The following SULT1E1 variants were observed in gnomAD, a reference collection of about 807,000 sequenced individuals.
SULT1E1 encodes the protein sulfotransferase 1E1.
Under a neutral mutation model 33.6 loss-of-function variants are expected in SULT1E1, and 36 were observed. The observed-to-expected ratio is 1.07, with a 90% CI of 0.82 to 1.41. SULT1E1 has a LOEUF of 1.41. SULT1E1 is among the 40% of genes most tolerant of loss of function. The pLI is 0.00. For synonymous variants in SULT1E1, 121 were observed against 111.7 expected (o/e 1.08, Z -0.53); for missense variants, 371 against 345.7 (o/e 1.07, Z -0.58).
At chr4:69,844,595 C>T (rs1043268539) in intron 6 of SULT1E1, among the ~76,000 whole-genome samples, 1 of 151,942 alleles carries the variant, frequency 6.6e-6, no homozygotes, top group Non-Finnish European at 1.5e-5. Context: ...TTATTGTAGT[C>T]CTTGATGCAT....
At chr4:69,823,603 G>C in the SULT1E1 span, among the ~76,000 whole-genome samples, 1 of 152,134 alleles carries the variant, frequency 6.6e-6, no homozygotes, top group Non-Finnish European at 1.5e-5. Context: ...CGGTGTCTAA[G>C]AGCTGTAGAA....
chr4:69,849,324 A>C (rs958547756), intron 5 of SULT1E1, 113 bp downstream of exon 5: 2 of 1,309,866 alleles, frequency 1.5e-6, no homozygotes, highest in African/African-American at 3.0e-5. Context: ...TCTGTGTTTT[A>C]ACTATGAATC....
chr4:69,847,064 C>T (rs1269203145), intron 6 of SULT1E1, among the ~76,000 whole-genome samples: 1 of 151,626 alleles, frequency 6.6e-6, no homozygotes, highest in Non-Finnish European at 1.5e-5. Context: ...ATCAAATAGC[C>T]TATTTATCTC....
chr4:69,847,411 T>G (rs1404572629), intron 6 of SULT1E1, among the ~76,000 whole-genome samples: 1 of 151,790 alleles, frequency 6.6e-6, no homozygotes, highest in Admixed American at 6.6e-5. Context: ...TGTGTGTGTG[T>G]GTGTGCCTAT....
At chr4:69,834,683 C>T in the SULT1E1 span, among the ~76,000 whole-genome samples, 15 of 152,098 alleles carry the variant, frequency 9.9e-5, no homozygotes, top group African/African-American at 3.6e-4. Flanking sequence ...AGGTGTCTAT[C>T]ACAGTTGTAG....
In SULT1E1 at chr4:69,841,451, C is replaced by G. The variant is rs1578100765; in HGVS notation, c.*543G>C. On this transcript the variant is annotated 3_prime_UTR_variant, in exon 8 of 8. Coordinates refer to ENST00000226444, the MANE Select transcript of SULT1E1 (RefSeq NM_005420.3). ...GTTACCTGGGCCAGGCATGGAGGCTCAAGCCTGTAATCCCAGTATTTTGGG... is the reference window on the plus strand; with the variant it reads ...GTTACCTGGGCCAGGCATGGAGGCTGAAGCCTGTAATCCCAGTATTTTGGG... 1 of 152,388 alleles carries G rather than the reference C, an allele frequency of 6.6e-6. No homozygotes were observed. The allele number at this position is 152,388 out of a possible 1,614,324, so 9.4% of individuals were successfully genotyped here.
At chr4:69,847,828 T>C (rs1578103438) in intron 5 of SULT1E1, 36 bp from the exon 6 acceptor site, 1 of 1,417,812 alleles carries the variant, frequency 7.1e-7, no homozygotes, top group African/African-American at 1.4e-5. Flanking sequence ...AAAAGTGGTA[T>C]CATCTCTAAA....
intron 6 of SULT1E1, among the ~76,000 whole-genome samples, chr4:69,844,918 A>G (rs994654875): frequency 6.6e-6 from 1 of 152,076 alleles, no homozygotes; most frequent in Non-Finnish European, 1.5e-5. Flanking sequence ...TACTAACCGC[A>G]ATGTGTATTC....
intron 6 of SULT1E1, among the ~76,000 whole-genome samples, chr4:69,845,551 T>C (rs529303551): frequency 1.3e-5 from 2 of 151,378 alleles, no homozygotes; most frequent in Non-Finnish European, 3.0e-5. Flanking sequence ...ATATAATATA[T>C]ACACAAAATC....
chr4:69,842,065 T>TGATAAA lies in SULT1E1; in HGVS notation c.813_814insTTTATC (p.Leu271_Asn272insPheIle), dbSNP rs1488562054. ...TCATAATGTTTATCAAATTTTTCAT[T>TGATAAA]CAGGGCTACTGTAAAGTGATTTTTC... On this transcript the variant is annotated inframe_insertion, in exon 8 of 8. Coordinates refer to ENST00000226444, the MANE Select transcript of SULT1E1 (RefSeq NM_005420.3). 1 of 1,611,792 alleles carries TGATAAA rather than the reference T, an allele frequency of 6.2e-7. No homozygotes were observed. Among genetic ancestry groups the TGATAAA allele is most frequent in the African/African-American group, 1.3e-5 (1 of 74,848 alleles).
chr4:69,824,429 T>C, the SULT1E1 span, among the ~76,000 whole-genome samples: 3 of 152,144 alleles, frequency 2.0e-5, no homozygotes, highest in Non-Finnish European at 4.4e-5. Context: ...GTCCTTTGAT[T>C]TCTTTAAAGG....
chr4:69,821,975 T>C, the SULT1E1 span, among the ~76,000 whole-genome samples: 1 of 152,218 alleles, frequency 6.6e-6, no homozygotes, highest in Non-Finnish European at 1.5e-5. Flanking sequence ...TGTTGTTAAT[T>C]ATGTATAGTT....
intron 1 of SULT1E1, among the ~76,000 whole-genome samples, chr4:69,858,169 A>C (rs958411508): frequency 2.6e-5 from 4 of 152,138 alleles, no homozygotes; most frequent in Non-Finnish European, 5.9e-5. Flanking sequence ...TGCTTGGTGA[A>C]TGTATTTAAA....
chr4:69,838,777 T>C (rs1720834955), downstream of SULT1E1, among the ~76,000 whole-genome samples: 1 of 151,996 alleles, frequency 6.6e-6, no homozygotes, highest in Non-Finnish European at 1.5e-5. Flanking sequence ...ATTAGTTATA[T>C]ACAAAAGGGG....
chr4:69,840,972 G>T (rs906034391), downstream of SULT1E1, among the ~76,000 whole-genome samples: 32 of 152,164 alleles, frequency 2.1e-4, no homozygotes, highest in Non-Finnish European at 1.5e-5. Flanking sequence ...CGGGAACCCA[G>T]GAGGTGGAGC....
At chr4:69,832,929 G>A in the SULT1E1 span, among the ~76,000 whole-genome samples, 7 of 152,276 alleles carry the variant, frequency 4.6e-5, no homozygotes, top group South Asian at 1.5e-3. Context: ...TCTCTATATT[G>A]AGGGAGTGCT....
the SULT1E1 span, among the ~76,000 whole-genome samples, chr4:69,827,747 C>T: frequency 3.3e-5 from 5 of 152,052 alleles, no homozygotes; most frequent in East Asian, 1.9e-4. Context: ...AAAGGAAAAG[C>T]GAGATCAGAG....
At chr4:69,831,179 GT>G in the SULT1E1 span, among the ~76,000 whole-genome samples, 2 of 152,286 alleles carry the variant, frequency 1.3e-5, no homozygotes, top group East Asian at 3.9e-4. Flanking sequence ...GTAAAGGGGG[GT>G]TGATTGGAAC....
chr4:69,850,188 T>G (rs1034682888), intron 4 of SULT1E1, among the ~76,000 whole-genome samples: 8 of 152,098 alleles, frequency 5.3e-5, no homozygotes, highest in African/African-American at 1.7e-4. Flanking sequence ...GTTTCTAGTT[T>G]TGGCAGTAAG....
Sources: allele counts gnomAD v4.1 joint callset (sites outside exome capture counted in the v4.1 genomes callset), GRCh38; gene constraint gnomAD v4.1.1; transcripts MANE v1.5; gene names NCBI Gene and HGNC (gene_info 2026-07-23, HGNC 2026-07-21).